ANKS1B: variants seen among roughly 807,000 people sequenced by gnomAD.
ANKS1B encodes ankyrin repeat and sterile alpha motif domain containing 1B.
In ANKS1B, 36 loss-of-function variants were observed where a neutral mutation model predicts 148.3. The observed-to-expected ratio is 0.24, with a 90% CI of 0.19 to 0.32. The LOEUF (loss-of-function observed/expected upper bound fraction) is 0.32, where lower values mean the gene tolerates loss of function less well. Ranked by LOEUF, ANKS1B falls within the 10% of genes least tolerant of loss-of-function variation. The probability of loss-of-function intolerance (pLI) is 1.00; values close to 1 mark genes in which losing one functional copy is unlikely to be tolerated. For missense variants in ANKS1B, 1,157 were observed against 1,542.6 expected (o/e 0.75, Z 4.19); for synonymous variants, 542 against 560.8 (o/e 0.97, Z 0.47).
rs900248335 is a variant in ANKS1B, at chr12:99,945,378, G to A, written c.134+38726C>T. 1.3e-5 allele frequency among the ~76,000 whole-genome samples: 2 copies of A among 150,572 alleles called. 1 individual carries two copies. Among genetic ancestry groups the A allele is most frequent in the South Asian group, 4.2e-4 (2 of 4,810 alleles). ...GAAAAAAAAAAAAAAAGCCAATGTGGCTACAGCAAAGTGGACAAAAACAAA... is the reference window on the plus strand; with the variant it reads ...GAAAAAAAAAAAAAAAGCCAATGTGACTACAGCAAAGTGGACAAAAACAAA... On this transcript the variant is annotated intron_variant, in intron 1 of 26. Coordinates refer to ENST00000683438, the MANE Select transcript of ANKS1B (RefSeq NM_001352186.2).
chr12:99,817,238 C>T (rs2081990331), intron 2 of ANKS1B, among the ~76,000 whole-genome samples: 2 of 150,196 alleles, frequency 1.3e-5, no homozygotes, highest in African/African-American at 4.9e-5. Flanking sequence ...TTTTTTTTAG[C>T]TCCCACATAT....
At chr12:99,377,111 G>C (rs757233746) in intron 12 of ANKS1B, among the ~76,000 whole-genome samples, 1 of 151,750 alleles carries the variant, frequency 6.6e-6, no homozygotes, top group Non-Finnish European at 1.5e-5. Flanking sequence ...AGGTTCAAGC[G>C]ATTCTCCTGC....
At chr12:99,711,212 C>T (rs554400918) in intron 8 of ANKS1B, among the ~76,000 whole-genome samples, 1 of 152,186 alleles carries the variant, frequency 6.6e-6, no homozygotes, top group South Asian at 2.1e-4. Context: ...GATAAAATCA[C>T]CTTATAAACT....
At chr12:99,849,399 A>C (rs1209852572) in intron 1 of ANKS1B, among the ~76,000 whole-genome samples, 1 of 152,124 alleles carries the variant, frequency 6.6e-6, no homozygotes, top group Non-Finnish European at 1.5e-5. Flanking sequence ...AGACAGATGA[A>C]ACCAAATGTT....
chr12:98,996,812 C>CAAAAA lies in ANKS1B; in HGVS notation c.2778+56340_2778+56344dup, dbSNP rs1160748107. On this transcript the variant is annotated intron_variant, in intron 17 of 26. Transcript: ENST00000683438. ...TGGGTGACAGAGCGAGACTCTATCT[C>CAAAAA]AAAAAAAAAAAAAAAAAAAAAAAAA... Among the ~76,000 whole-genome samples, 30 of 40,626 alleles carry CAAAAA rather than the reference C, an allele frequency of 7.4e-4. 1 individual carries two copies. Among genetic ancestry groups the CAAAAA allele is most frequent in the East Asian group, 1.2e-3 (1 of 846 alleles). 26.7% of individuals were successfully genotyped at this position (40,626 alleles called of 152,430 possible).
chr12:99,384,056 C>T (rs1037216831), intron 12 of ANKS1B, among the ~76,000 whole-genome samples: 2 of 151,888 alleles, frequency 1.3e-5, no homozygotes, highest in Admixed American at 6.6e-5. Flanking sequence ...GCTGGTATAA[C>T]GTCAACATTT....
chr12:98,905,230 CCCATGACACTG>C (rs1371102987), intron 17 of ANKS1B, among the ~76,000 whole-genome samples: 1 of 152,160 alleles, frequency 6.6e-6, no homozygotes, highest in Non-Finnish European at 1.5e-5. Context: ...TGTGTATTTT[CCCATGACACTG>C]CAGCTACTAC....
intron 17 of ANKS1B, among the ~76,000 whole-genome samples, chr12:98,861,961 T>A (rs934145799): frequency 9.9e-5 from 15 of 152,196 alleles, no homozygotes; most frequent in Admixed American, 9.8e-4. Flanking sequence ...CAGATGAGTT[T>A]TTTTTTACCT....
At chr12:99,523,503 T>G (rs1235969371) in intron 9 of ANKS1B, among the ~76,000 whole-genome samples, 2 of 151,806 alleles carry the variant, frequency 1.3e-5, no homozygotes, top group Non-Finnish European at 2.9e-5. Flanking sequence ...TAGCAAACTC[T>G]CTGTCCCTGG....
chr12:99,785,199 T>C (rs969299900), intron 4 of ANKS1B, among the ~76,000 whole-genome samples: 17 of 110,158 alleles, frequency 1.5e-4, no homozygotes, highest in Admixed American at 8.6e-4. Context: ...AGTTGTCTCT[T>C]TTTTTTTTTT....
chr12:99,763,934 T>C (rs1019764693), intron 8 of ANKS1B, among the ~76,000 whole-genome samples: 1 of 152,220 alleles, frequency 6.6e-6, no homozygotes, highest in African/African-American at 2.4e-5. Context: ...CCTAGCGATA[T>C]ATTGTGAAGT....
chr12:99,377,482 A>AT lies in ANKS1B; in HGVS notation c.1756+22148_1756+22149insA, dbSNP rs1373759294. On this transcript the variant is annotated intron_variant, in intron 12 of 26. Transcript: ENST00000683438. ...TCAGTAAGATTTCCACAATATAAAA[A>AT]CTTAAAAAAATATTCAGAGCAAAAA... 4.6e-5 allele frequency among the ~76,000 whole-genome samples: 7 copies of AT among 152,310 alleles called. 1 individual carries two copies. Among genetic ancestry groups the AT allele is most frequent in the African/African-American group, 1.7e-4 (7 of 41,562 alleles).
chr12:99,601,335 CAT>C (rs1243187028), intron 9 of ANKS1B, among the ~76,000 whole-genome samples: 1 of 151,968 alleles, frequency 6.6e-6, no homozygotes, highest in Non-Finnish European at 1.5e-5. Flanking sequence ...GTTTTGTTTT[CAT>C]ATATGAGATT....
intron 14 of ANKS1B, among the ~76,000 whole-genome samples, chr12:99,164,606 C>T (rs2077019772): frequency 6.6e-6 from 1 of 151,920 alleles, no homozygotes; most frequent in South Asian, 2.1e-4. Context: ...CCAATTATTT[C>T]CCTCTCAAAA....
At chr12:99,518,896 T>C (rs2096848338) in intron 9 of ANKS1B, among the ~76,000 whole-genome samples, 1 of 152,142 alleles carries the variant, frequency 6.6e-6, no homozygotes, top group African/African-American at 2.4e-5. Context: ...GCTTTCACTA[T>C]ATCCTATACA....
At chr12:99,143,190 C>T (rs2071606970) in intron 15 of ANKS1B, among the ~76,000 whole-genome samples, 1 of 152,004 alleles carries the variant, frequency 6.6e-6, no homozygotes, top group South Asian at 2.1e-4. Flanking sequence ...TATCTTTGCT[C>T]CTTCTAAGAG....
chr12:99,732,782 T>C (rs909057821), intron 8 of ANKS1B, among the ~76,000 whole-genome samples: 8 of 152,210 alleles, frequency 5.3e-5, no homozygotes, highest in Admixed American at 2.6e-4. Context: ...ATGTATTAAA[T>C]AGTTTAATAG....
intron 12 of ANKS1B, chr12:99,344,775 A>T (rs1203689112): frequency 6.6e-6 from 1 of 152,048 alleles, no homozygotes; most frequent in Non-Finnish European, 1.5e-5. Flanking sequence ...TTAATATTTC[A>T]ATTAGCTAAA....
chr12:99,613,171 C>T lies in ANKS1B; in HGVS notation c.1272+41896G>A, dbSNP rs12306892. Among the ~76,000 whole-genome samples the T allele has an allele frequency of 6.6e-3, 1,011 of 152,118 alleles. 13 individuals are homozygous for T. Among genetic ancestry groups the T allele is most frequent in the African/African-American group, 0.022 (920 of 41,526 alleles). On this transcript the variant is annotated intron_variant, in intron 9 of 26. Coordinates refer to ENST00000683438, the MANE Select transcript of ANKS1B (RefSeq NM_001352186.2). ...TATTGTTGAGTAAAGAAGGCATTTT[C>T]GACTATTATTCAAAAGTCAAAAAAA...
Sources: gnomAD v4.1 joint callset for allele counts (sites outside exome capture counted in the v4.1 genomes callset) on GRCh38, gnomAD v4.1.1 for gene constraint, MANE v1.5 for transcripts, NCBI Gene and HGNC (gene_info 2026-07-23, HGNC 2026-07-21) for gene names.